Variants in NFASC observed in about 807,000 individuals in gnomAD.
The protein encoded by NFASC is neurofascin homolog.
In NFASC, 43 loss-of-function variants were observed where a neutral mutation model predicts 147.5. The observed-to-expected ratio is 0.29, with a 90% CI of 0.23 to 0.38. The LOEUF (loss-of-function observed/expected upper bound fraction) is 0.38, where lower values mean the gene tolerates loss of function less well. NFASC is among the 10% of genes least tolerant of loss of function. The pLI, the probability that NFASC is intolerant of heterozygous loss-of-function variation, is 1.00. For synonymous variants in NFASC, 622 were observed against 665.5 expected (o/e 0.93, Z 1.01); for missense variants, 1,320 against 1,689.0 (o/e 0.78, Z 3.83).
chr1:204,856,686 C>T (rs1215999922), intron 1 of NFASC, among the ~76,000 whole-genome samples: 1 of 152,150 alleles, frequency 6.6e-6, no homozygotes. Flanking sequence ...CTCCCTCTCC[C>T]TATCCCCTGG....
intron 25 of NFASC, chr1:204,998,174 G>A (rs1349017790): frequency 6.6e-6 from 1 of 152,340 alleles, no homozygotes; most frequent in Non-Finnish European, 1.5e-5. Context: ...AGCCAGGCCA[G>A]GAAGCTCTGT....
At chr1:204,866,423 A>G (rs954843432) in intron 1 of NFASC, among the ~76,000 whole-genome samples, 5 of 152,168 alleles carry the variant, frequency 3.3e-5, no homozygotes, top group African/African-American at 4.8e-5. Flanking sequence ...GTCAGTTCTT[A>G]GGTAACCATG....
At chr1:204,997,535 G>A (rs764887563) in intron 25 of NFASC, 129 bp downstream of exon 25, 2 of 1,066,132 alleles carry the variant, frequency 1.9e-6, no homozygotes, top group South Asian at 2.7e-5. Flanking sequence ...CTCCCTTTGT[G>A]TTTCCTTTGG....
At chr1:204,974,942 G>C in intron 14 of NFASC, 119 bp downstream of exon 14, 1 of 1,102,926 alleles carries the variant, frequency 9.1e-7, no homozygotes, top group Non-Finnish European at 1.3e-6. Context: ...CCTGGAGTGG[G>C]CTGCCCAGTT....
chr1:205,016,895 T>G lies in NFASC; in HGVS notation c.*356T>G. On this transcript the variant is annotated 3_prime_UTR_variant, in exon 30 of 30. Transcript: ENST00000339876. This position sits in a 1 kb window ranked among gnomAD's most constrained non-coding sequence, Gnocchi z 5.1. ...TTTCTGTTGGTTACGGGACTTCTCA[T>G]TGTCTTAATTTCGCTTTGTGCATCT... The G allele has an allele frequency of 2.7e-6, 1 of 363,986 alleles. No individual in the cohort carries two copies. The highest frequency in any genetic ancestry group is 5.4e-6 in the Non-Finnish European group (1 of 186,858). The allele number at this position is 363,986 out of a possible 1,614,324, so 22.5% of individuals were successfully genotyped here.
intron 1 of NFASC, among the ~76,000 whole-genome samples, chr1:204,873,213 G>T (rs761048918): frequency 6.6e-6 from 1 of 152,218 alleles, no homozygotes; most frequent in Non-Finnish European, 1.5e-5. Flanking sequence ...TTGCAGGCTG[G>T]ACTCTGGATT....
chr1:204,979,281 G>C lies in NFASC; in HGVS notation c.1979-81G>C. 8.3e-7 allele frequency: 1 copy of C among 1,199,260 alleles called. No individual in the cohort carries two copies. Among genetic ancestry groups the C allele is most frequent in the Non-Finnish European group, 1.2e-6 (1 of 803,698 alleles). 74.3% of individuals were successfully genotyped at this position (1,199,260 alleles called of 1,614,324 possible). A position where few individuals can be genotyped will look rare whatever the true frequency, so the allele number is the denominator to read the frequency against. Reference sequence around the variant, plus strand: ...GTGAGAGAGATTATAAAGATCAATGGAAGCCAAGAAGGAAGTGCTTTTAAA... The same window carrying C: ...GTGAGAGAGATTATAAAGATCAATGCAAGCCAAGAAGGAAGTGCTTTTAAA... On this transcript the variant is annotated intron_variant, in intron 18 of 29. Coordinates refer to ENST00000339876, the MANE Select transcript of NFASC (RefSeq NM_001005388.3). The surrounding 1 kb of genome is among the most constrained non-coding windows in gnomAD (Gnocchi z 6.0).
chr1:204,952,108 T>G lies in NFASC; in HGVS notation c.207T>G (p.Pro69=). The change falls in exon 5 of 30, where the codon CCT becomes CCG. Residue 69 remains proline (P), a synonymous_variant. Coordinates refer to ENST00000339876, the MANE Select transcript of NFASC (RefSeq NM_001005388.3). ...ILIECEAKGN[P]APSFHWTRNS... ...TTGAGTGTGAAGCAAAAGGGAACCC[T>G]GCCCCCAGGTGAGTGAAGGGGAAAA... 1 of 1,612,714 alleles carries G rather than the reference T, an allele frequency of 6.2e-7. No individual in the cohort carries two copies. The highest frequency in any genetic ancestry group is 8.5e-7 in the Non-Finnish European group (1 of 1,178,758).
chr1:204,848,489 G>A (rs542400810), intron 1 of NFASC, among the ~76,000 whole-genome samples: 1 of 152,298 alleles, frequency 6.6e-6, no homozygotes, highest in African/African-American at 2.4e-5. Context: ...GCTTCCCAAA[G>A]TGTTGTGATT....
chr1:204,988,869 C>T (rs751641998), intron 23 of NFASC, 63 bp downstream of exon 23: 2 of 1,488,758 alleles, frequency 1.3e-6, no homozygotes, highest in South Asian at 1.1e-5. Flanking sequence ...CCTAGAGAAA[C>T]ACTGAGATCT....
chr1:204,871,082 A>G, intron 1 of NFASC: 1 of 1,289,828 alleles, frequency 7.8e-7, no homozygotes, highest in Non-Finnish European at 1.0e-6. Flanking sequence ...TAGGATGGTC[A>G]ACTCTGCCCT....
Position 204,968,186 on chromosome 1 carries a change from T to C in NFASC, c.707-63T>C. 1 of 1,195,318 alleles carries C rather than the reference T, an allele frequency of 8.4e-7. No individual in the cohort carries two copies. Among genetic ancestry groups the C allele is most frequent in the African/African-American group, 1.5e-5 (1 of 66,954 alleles). The allele number at this position is 1,195,318 out of a possible 1,614,324, so 74.0% of individuals were successfully genotyped here. ...GCCACTTCTCTCTAGCCTGACAGCG[T>C]TGGCCTAGTGGGGTCTGCCTTCTGG... On this transcript the variant is annotated intron_variant, in intron 8 of 29. Coordinates refer to ENST00000339876, the MANE Select transcript of NFASC (RefSeq NM_001005388.3). This position sits in a 1 kb window ranked among gnomAD's most constrained non-coding sequence, Gnocchi z 5.4.
chr1:204,841,321 T>A (rs1461953454), intron 1 of NFASC, among the ~76,000 whole-genome samples: 6 of 152,230 alleles, frequency 3.9e-5, no homozygotes, highest in Non-Finnish European at 5.9e-5. Flanking sequence ...AGTCTCCTAA[T>A]CCCAGCTCAT....
chr1:204,901,811 C>G (rs1297117338), intron 1 of NFASC, among the ~76,000 whole-genome samples: 1 of 152,112 alleles, frequency 6.6e-6, no homozygotes, highest in African/African-American at 2.4e-5. Flanking sequence ...AGGAGGATTG[C>G]TGGAGCATTG....
chr1:204,841,710 G>A (rs1043283657), intron 1 of NFASC, among the ~76,000 whole-genome samples: 4 of 152,086 alleles, frequency 2.6e-5, no homozygotes, highest in African/African-American at 9.7e-5. Context: ...AACATACAAG[G>A]GGGACAACCC....
In NFASC at chr1:205,016,209, C is replaced by T. The variant is rs2096359147; in HGVS notation, c.3492-99C>T. The T allele has an allele frequency of 3.5e-6, 3 of 846,146 alleles. No homozygotes were observed. The highest frequency in any genetic ancestry group is 2.9e-5 in the South Asian group (2 of 68,132). 52.4% of individuals were successfully genotyped at this position (846,146 alleles called of 1,614,324 possible). ...AGCGGGGGCTGGACTGGGCGGTCTC[C>T]TGGATCCCATCCTCTCTGAGCTGTG... On this transcript the variant is annotated intron_variant, in intron 29 of 29. Transcript: ENST00000339876. The surrounding 1 kb of genome is among the most constrained non-coding windows in gnomAD (Gnocchi z 5.1).
At chr1:204,944,461 G>T in intron 3 of NFASC, 55 bp downstream of exon 3, 3 of 1,095,438 alleles carry the variant, frequency 2.7e-6, no homozygotes, top group South Asian at 3.2e-5. Flanking sequence ...GCAGAGGGGT[G>T]GGAGGGGAGG....
At chr1:204,875,368 A>C (rs897757168) in intron 1 of NFASC, among the ~76,000 whole-genome samples, 1 of 151,720 alleles carries the variant, frequency 6.6e-6, no homozygotes, top group African/African-American at 2.4e-5. Flanking sequence ...TCCAGGTTAG[A>C]CCAGGAGCCT....
intron 16 of NFASC, 50 bp downstream of exon 16, chr1:204,976,845 G>C: frequency 6.3e-7 from 1 of 1,584,672 alleles, no homozygotes; most frequent in Non-Finnish European, 8.6e-7. Context: ...CCCCTCCCCA[G>C]CAGCCAGAGA....
Sources: allele counts gnomAD v4.1 joint callset (sites outside exome capture counted in the v4.1 genomes callset), GRCh38; gene constraint gnomAD v4.1.1; non-coding constraint Gnocchi (gnomAD v3.1); transcripts MANE v1.5; gene names NCBI Gene and HGNC (gene_info 2026-07-23, HGNC 2026-07-21).